ERCC1: variants seen among roughly 807,000 people sequenced by gnomAD.
The protein encoded by ERCC1 is DNA excision repair protein ERCC-1.
Under a neutral mutation model 37.6 loss-of-function variants are expected in ERCC1, and 36 were observed. The observed-to-expected ratio is 0.96, with a 90% CI of 0.73 to 1.26. The LOEUF (loss-of-function observed/expected upper bound fraction) is 1.26, where lower values mean the gene tolerates loss of function less well. Among genes scored for constraint, ERCC1 ranks in the 50% most tolerant of loss-of-function variants. The pLI is 0.00. For missense variants in ERCC1, 349 were observed against 376.5 expected (o/e 0.93, Z 0.60); for synonymous variants, 156 against 162.1 (o/e 0.96, Z 0.28).
At chr19:45,448,303 A>G (rs1418815038) in intron 1 of ERCC1, among the ~76,000 whole-genome samples, 1 of 152,170 alleles carries the variant, frequency 6.6e-6, no homozygotes, top group Admixed American at 6.6e-5. Context: ...CAGACAGAGA[A>G]GAGTCAAGGC....
intron 6 of ERCC1, chr19:45,415,847 GTGGGGTGGTCAGGCA>G: frequency 2.2e-6 from 1 of 454,188 alleles, no homozygotes; most frequent in Non-Finnish European, 4.4e-6. Context: ...TCACTGTAAA[GTGGGGTGGTCAGGCA>G]TAGTGGCTCA....
intron 1 of ERCC1, among the ~76,000 whole-genome samples, chr19:45,431,137 T>C (rs1254539971): frequency 2.6e-5 from 4 of 152,134 alleles, no homozygotes; most frequent in African/African-American, 9.7e-5. Flanking sequence ...GTATTTTTAG[T>C]AGAAACGGGG....
chr19:45,417,024 G>A (rs546085242), intron 5 of ERCC1, 127 bp from the exon 6 acceptor site: 1 of 719,794 alleles, frequency 1.4e-6, no homozygotes, highest in Non-Finnish European at 2.5e-6. Flanking sequence ...TTGAACCCGG[G>A]AGGCAGACGT....
At chr19:45,449,621 T>C (rs1385108393) in intron 1 of ERCC1, among the ~76,000 whole-genome samples, 4 of 152,014 alleles carry the variant, frequency 2.6e-5, no homozygotes, top group Admixed American at 2.6e-4. Flanking sequence ...GCTGTGATCA[T>C]ACCACTGCAC....
At chr19:45,415,358 C>T (rs921343825) in intron 6 of ERCC1, among the ~76,000 whole-genome samples, 5 of 147,646 alleles carry the variant, frequency 3.4e-5, no homozygotes, top group Non-Finnish European at 7.4e-5. Flanking sequence ...AAAAAAAGGC[C>T]GGGTGTGGTG....
chr19:45,421,471 C>A, intron 2 of ERCC1, 78 bp from the exon 3 acceptor site: 1 of 1,037,152 alleles, frequency 9.6e-7, no homozygotes, highest in East Asian at 2.5e-5. Context: ...GTTCCTCTCC[C>A]CTTTCTTTTT....
At chr19:45,417,491 C>G (rs1461520149) in intron 5 of ERCC1, among the ~76,000 whole-genome samples, 1 of 152,088 alleles carries the variant, frequency 6.6e-6, no homozygotes, top group Non-Finnish European at 1.5e-5. Context: ...TAAAGAACAG[C>G]ATGGGCAAAG....
intron 5 of ERCC1, 139 bp downstream of exon 5, chr19:45,418,959 T>A: frequency 1.4e-6 from 1 of 705,582 alleles, no homozygotes; most frequent in African/African-American, 1.7e-5. Flanking sequence ...ACATAATGTC[T>A]TGGTGACCCA....
chr19:45,439,751 G>A (rs2123599338), intron 1 of ERCC1, among the ~76,000 whole-genome samples: 1 of 152,148 alleles, frequency 6.6e-6, no homozygotes, highest in African/African-American at 2.4e-5. Context: ...CCGGGAGGCG[G>A]GTGTGCACGC....
At chr19:45,438,357 C>T (rs57377060) in intron 1 of ERCC1, among the ~76,000 whole-genome samples, 11,999 of 152,222 alleles carry the variant, frequency 0.079, 1,542 homozygotes, top group African/African-American at 0.27. Context: ...CGTGAGTCAC[C>T]GCACCTGGCC....
At chr19:45,441,840 G>A (rs891958551) in intron 1 of ERCC1, among the ~76,000 whole-genome samples, 12 of 151,116 alleles carry the variant, frequency 7.9e-5, no homozygotes, top group African/African-American at 2.2e-4. Flanking sequence ...ATGCCACCAC[G>A]CCCAACTAAT....
Position 45,419,123 on chromosome 19 carries a change from C to A in ERCC1, c.500G>T (p.Arg167Leu). The A allele has an allele frequency of 6.3e-7, 1 of 1,588,360 alleles. No individual in the cohort carries two copies. Among genetic ancestry groups the A allele is most frequent in the South Asian group, 1.1e-5 (1 of 87,302 alleles). The part of the protein sequence containing the change: ...LQSLGKNFAL[R>L]VLLVQVDVKD... ...CACATCCACCTGGACAAGCAGGACC[C>A]GCAAGGCGAAGTTCTTCCCCAGGCT... Residue 167 changes from arginine to leucine, a missense_variant, in exon 5 of 10, where the codon CGG becomes CTG. Arg to Leu is a moderately radical substitution (Grantham distance 102). Transcript: ENST00000300853.
At chr19:45,419,783 G>A (rs1172074346) in intron 4 of ERCC1, among the ~76,000 whole-genome samples, 6 of 152,158 alleles carry the variant, frequency 3.9e-5, no homozygotes, top group Admixed American at 1.3e-4. Flanking sequence ...CTCCAGTCAA[G>A]GATGTCTGGG....
chr19:45,438,219 ATTTT>A (rs907528831), intron 1 of ERCC1, among the ~76,000 whole-genome samples: 1 of 151,536 alleles, frequency 6.6e-6, no homozygotes, highest in African/African-American at 2.4e-5. Context: ...CTCTCATCTG[ATTTT>A]TTTTATTTTT....
At chr19:45,425,495 TCTC>T (rs557463970), upstream of ERCC1, among the ~76,000 whole-genome samples, 365 of 151,846 alleles carry the variant, frequency 2.4e-3, 1 homozygote, top group African/African-American at 8.3e-3. Context: ...TTCAAGCAGT[TCTC>T]CTGCCTCAGC....
In ERCC1 at chr19:45,423,501, C is replaced by A. The variant is rs538330156; in HGVS notation, c.-7-120G>T. 2.5e-4 allele frequency: 367 copies of A among 1,492,574 alleles called. 2 individuals are homozygous for A. The South Asian group carries it at 4.3e-3, about 18-fold the overall frequency. 92.5% of individuals were successfully genotyped at this position (1,492,574 alleles called of 1,614,324 possible). On this transcript the variant is annotated intron_variant, in intron 1 of 9. Transcript: ENST00000300853. ...CTCCGAGAGCTCCATAGCGTCAGGT[C>A]CCCAACACCCAGCGCTAGAGGCTCT...
intron 1 of ERCC1, among the ~76,000 whole-genome samples, chr19:45,446,336 A>T (rs1966941319): frequency 6.6e-6 from 1 of 152,130 alleles, no homozygotes; most frequent in Non-Finnish European, 1.5e-5. Context: ...GGTAGTAGGG[A>T]TCGATTCTGG....
chr19:45,409,864 A>C, intron 9 of ERCC1, 139 bp from the exon 10 acceptor site: 1 of 528,238 alleles, frequency 1.9e-6, no homozygotes, highest in Non-Finnish European at 3.4e-6. Context: ...CAATCCAGTT[A>C]CAATCTTTTT....
At chr19:45,422,995 A>G (rs1974531408) in intron 2 of ERCC1, among the ~76,000 whole-genome samples, 1 of 152,164 alleles carries the variant, frequency 6.6e-6, no homozygotes. Context: ...CAATAAATTC[A>G]TGTCTTGAAA....
Sources: allele counts gnomAD v4.1 joint callset (sites outside exome capture counted in the v4.1 genomes callset), GRCh38; gene constraint gnomAD v4.1.1; transcripts MANE v1.5; gene names NCBI Gene and HGNC (gene_info 2026-07-23, HGNC 2026-07-21).